RAPGEF4: variants seen among roughly 807,000 people sequenced by gnomAD.
The protein encoded by RAPGEF4 is Rap guanine nucleotide exchange factor 4.
A neutral mutation model predicts 147.9 loss-of-function variants in RAPGEF4; 66 were observed. That is an observed-to-expected ratio of 0.45 (90% CI 0.37 to 0.55). RAPGEF4 has a LOEUF of 0.55. RAPGEF4 is among the 20% of genes least tolerant of loss of function. RAPGEF4 has a pLI of 0.00. For synonymous variants in RAPGEF4, 419 were observed against 442.7 expected (o/e 0.95, Z 0.67); for missense variants, 1,071 against 1,257.3 (o/e 0.85, Z 2.24).
chr2:172,902,376 C>T (rs185024937), intron 4 of RAPGEF4, among the ~76,000 whole-genome samples: 111 of 152,202 alleles, frequency 7.3e-4, no homozygotes, highest in Non-Finnish European at 1.2e-3. Flanking sequence ...GACCTCGGCT[C>T]ACTGCAGCCT....
At chr2:172,948,254 T>G (rs1199332357) in intron 6 of RAPGEF4, among the ~76,000 whole-genome samples, 2 of 152,212 alleles carry the variant, frequency 1.3e-5, no homozygotes, top group East Asian at 3.8e-4. Flanking sequence ...TGTTGGGCTT[T>G]TATGTGGCAG....
At chr2:172,747,600 G>A (rs1694896901) in intron 1 of RAPGEF4, among the ~76,000 whole-genome samples, 1 of 152,038 alleles carries the variant, frequency 6.6e-6, no homozygotes, top group Admixed American at 6.6e-5. Flanking sequence ...CAAGTAGCTG[G>A]GACTATAGGC....
chr2:173,020,678 G>T lies in RAPGEF4; in HGVS notation c.2216G>T (p.Arg739Leu). The T allele has an allele frequency of 6.2e-7, 1 of 1,613,946 alleles. No homozygotes were observed. The highest frequency in any genetic ancestry group is 1.1e-5 in the South Asian group (1 of 91,028). ...SVFTTLTING[R>L]LFACPREQFD... Reference sequence around the variant, plus strand: ...TTTACGACGCTCACCATTAATGGACGCCTGTTTGCTTGCCCGCGAGAGCAA... The same window carrying T: ...TTTACGACGCTCACCATTAATGGACTCCTGTTTGCTTGCCCGCGAGAGCAA... Residue 739 changes from arginine (R) to leucine (L), a missense_variant, in exon 23 of 31, where the codon CGC (arginine) becomes CTC (leucine). By Grantham distance (102) the Arg-to-Leu change is moderately radical. Coordinates refer to ENST00000397081, the MANE Select transcript of RAPGEF4 (RefSeq NM_007023.4).
intron 6 of RAPGEF4, among the ~76,000 whole-genome samples, chr2:172,936,017 T>TA (rs1686523345): frequency 6.6e-6 from 1 of 152,202 alleles, no homozygotes; most frequent in Non-Finnish European, 1.5e-5. Context: ...TGGTGGATTT[T>TA]AAAAAATAAT....
intron 4 of RAPGEF4, among the ~76,000 whole-genome samples, chr2:172,883,563 G>C (rs541003807): frequency 3.9e-4 from 60 of 152,264 alleles, no homozygotes; most frequent in African/African-American, 1.4e-3. Flanking sequence ...GACTCTTGAA[G>C]AAAAGACCAA....
chr2:172,790,081 A>T (rs1685644008), intron 1 of RAPGEF4, among the ~76,000 whole-genome samples: 1 of 152,186 alleles, frequency 6.6e-6, no homozygotes, highest in African/African-American at 2.4e-5. Flanking sequence ...ACTGACCAAC[A>T]GTGTGCAAAG....
rs1696185041 is a variant in RAPGEF4 at position 172,760,333 on chromosome 2, CA to C, written c.65+24288del. On this transcript the variant is annotated intron_variant, in intron 1 of 30. Transcript: ENST00000397081. ...CATATGAAAAAACAGAATGTTTAAGCAAAGAATAGAAAGCCTTAGCAAAGAA... is the reference window on the plus strand; with the variant it reads ...CATATGAAAAAACAGAATGTTTAAGCAAGAATAGAAAGCCTTAGCAAAGAA... Among the ~76,000 whole-genome samples the C allele has an allele frequency of 3.9e-5, 6 of 152,198 alleles. No individual in the cohort carries two copies. In the South Asian group the frequency reaches 1.2e-3, roughly 32 times the overall value.
chr2:172,865,498 C>G (rs961997882), intron 4 of RAPGEF4, among the ~76,000 whole-genome samples: 1 of 152,210 alleles, frequency 6.6e-6, no homozygotes, highest in Non-Finnish European at 1.5e-5. Context: ...GGGCACTAGT[C>G]TTAAAATATA....
At chr2:173,038,990 G>C (rs1684405650) in intron 29 of RAPGEF4, among the ~76,000 whole-genome samples, 1 of 152,202 alleles carries the variant, frequency 6.6e-6, no homozygotes, top group African/African-American at 2.4e-5. Context: ...ACCCAGAGCA[G>C]TGGATTCCTC....
intron 1 of RAPGEF4, among the ~76,000 whole-genome samples, chr2:172,793,561 T>A (rs1686039975): frequency 6.6e-6 from 1 of 152,220 alleles, no homozygotes; most frequent in South Asian, 2.1e-4. Flanking sequence ...ATCCAGTTCG[T>A]TTCCTCTGAT....
chr2:172,913,564 T>A (rs1016685259), intron 4 of RAPGEF4, among the ~76,000 whole-genome samples: 17 of 152,194 alleles, frequency 1.1e-4, no homozygotes, highest in African/African-American at 4.1e-4. Flanking sequence ...GGCTCCTGGG[T>A]TGGAATGACT....
At chr2:172,932,056 G>C (rs1055521075) in intron 6 of RAPGEF4, among the ~76,000 whole-genome samples, 2 of 114,098 alleles carry the variant, frequency 1.8e-5, no homozygotes, top group Non-Finnish European at 3.3e-5. Context: ...TTCTCAATTT[G>C]GTGTTTGGCA....
At position 172,857,162 on chromosome 2, in the gene RAPGEF4, G is replaced by A. The variant is rs189632786; in HGVS notation, c.444+42737G>A. 6.4e-4 allele frequency among the ~76,000 whole-genome samples: 90 copies of A among 140,842 alleles called. 1 individual carries two copies. The highest frequency in any genetic ancestry group is 1.9e-3 in the African/African-American group (73 of 38,616). The allele number at this position is 140,842 out of a possible 152,430, so 92.4% of individuals were successfully genotyped here. A position where few individuals can be genotyped will look rare whatever the true frequency, so the allele number is the denominator to read the frequency against. On this transcript the variant is annotated intron_variant, in intron 4 of 30. Transcript: ENST00000397081. Reference sequence around the variant, plus strand: ...CTTTACAGGTGAATTTAAAATACGCGCGTGTGCGCGCGCACACACACACAC... The same window carrying A: ...CTTTACAGGTGAATTTAAAATACGCACGTGTGCGCGCGCACACACACACAC...
At chr2:172,882,590 A>G (rs1455568501) in intron 4 of RAPGEF4, among the ~76,000 whole-genome samples, 1 of 152,294 alleles carries the variant, frequency 6.6e-6, no homozygotes, top group Non-Finnish European at 1.5e-5. Context: ...TCAGAAACTC[A>G]AGGTCTGTGT....
intron 29 of RAPGEF4, among the ~76,000 whole-genome samples, chr2:173,043,626 A>G (rs532348057): frequency 2.5e-4 from 38 of 152,344 alleles, no homozygotes; most frequent in Non-Finnish European, 5.1e-4. Flanking sequence ...GGCAGCCACA[A>G]AGTCCTGGTA....
In RAPGEF4 at chr2:172,917,788, A is replaced by G. The variant is rs745655218; in HGVS notation, c.445-14A>G. 6 of 1,606,254 alleles carry G rather than the reference A, an allele frequency of 3.7e-6. No individual in the cohort carries two copies. Among genetic ancestry groups the G allele is most frequent in the South Asian group, 3.3e-5 (3 of 90,806 alleles). On this transcript the variant is annotated splice_polypyrimidine_tract_variant and intron_variant, in intron 4 of 30. Coordinates refer to ENST00000397081, the MANE Select transcript of RAPGEF4 (RefSeq NM_007023.4). ...TAAATATCTGTGTGTTGAGTTTACA[A>G]TCTTGTCTTTCAGAAATATCGACAG...
chr2:172,909,230 C>A (rs1348188504), intron 4 of RAPGEF4, among the ~76,000 whole-genome samples: 1 of 152,164 alleles, frequency 6.6e-6, no homozygotes, highest in Non-Finnish European at 1.5e-5. Context: ...AAAGCCTGAG[C>A]CCTCCCAAGT....
In RAPGEF4 at chr2:172,886,125, G is replaced by A. The variant is rs764340822; in HGVS notation, c.445-31677G>A. 9.2e-4 allele frequency among the ~76,000 whole-genome samples: 140 copies of A among 152,144 alleles called. 3 individuals are homozygous for A. The highest frequency in any genetic ancestry group is 3.5e-4 in the Non-Finnish European group (24 of 68,026). The stretch of plus-strand genomic sequence containing the variant: ...TCTTTGAGGCTTAGTCCAGCCCATC[G>A]ATCTGGAGTAGCCTATGCTTTTCCT... On this transcript the variant is annotated intron_variant, in intron 4 of 30. Coordinates refer to ENST00000397081, the MANE Select transcript of RAPGEF4 (RefSeq NM_007023.4).
chr2:172,763,288 G>A (rs1345381969), intron 1 of RAPGEF4, among the ~76,000 whole-genome samples: 2 of 152,198 alleles, frequency 1.3e-5, no homozygotes, highest in East Asian at 1.9e-4. Context: ...TAAAGCCTTT[G>A]TGTGTTGCCT....
Sources: allele counts gnomAD v4.1 joint callset (sites outside exome capture counted in the v4.1 genomes callset), GRCh38; gene constraint gnomAD v4.1.1; transcripts MANE v1.5; gene names NCBI Gene and HGNC (gene_info 2026-07-23, HGNC 2026-07-21).